Variants in ARID3A observed in about 807,000 individuals in gnomAD.
ARID3A encodes the protein AT-rich interaction domain 3A.
Under a neutral mutation model 52.7 loss-of-function variants are expected in ARID3A, and 11 were observed. The ratio of observed to expected loss-of-function variants is 0.21; its 90% CI spans 0.13 to 0.35. The LOEUF (loss-of-function observed/expected upper bound fraction) is 0.35. Among genes scored for constraint, ARID3A ranks in the 10% least tolerant of loss-of-function variants. The pLI is 1.00. For synonymous variants in ARID3A, 404 were observed against 359.4 expected, an observed-to-expected ratio of 1.12 and a Z score of -1.40; for missense variants, 721 against 838.5, an observed-to-expected ratio of 0.86 and a Z score of 1.73.
chr19:928,805 C>T (rs571492178), intron 1 of ARID3A: 50 of 152,276 alleles, frequency 3.3e-4, no homozygotes, highest in African/African-American at 1.2e-3. Flanking sequence ...GGAGGGTTAG[C>T]CCAGGGCCCG....
At chr19:957,757 T>A (rs1045895516) in intron 3 of ARID3A, among the ~76,000 whole-genome samples, 5 of 152,040 alleles carry the variant, frequency 3.3e-5, no homozygotes, top group Admixed American at 2.6e-4. Flanking sequence ...GGCAGGAGAA[T>A]CCCTTGAGCC....
chr19:932,580 C>A lies in ARID3A; in HGVS notation c.531C>A (p.Ala177=). The A allele has an allele frequency of 6.6e-7, 1 of 1,505,704 alleles. No individual in the cohort carries two copies. The allele number at this position is 1,505,704 out of a possible 1,614,324, so 93.3% of individuals were successfully genotyped here. The part of the protein sequence containing the change: ...LGTTALFPRK[A]QPPQAFRGDG... ...CCACGGCACTGTTCCCCCGAAAGGC[C>A]CAGCCACCCCAGGCCTTCCGCGGCG... The change falls in exon 3 of 9, where the codon GCC becomes GCA. Residue 177 remains alanine, a synonymous_variant. Coordinates refer to ENST00000263620, the MANE Select transcript of ARID3A (RefSeq NM_005224.3).
chr19:929,320 G>A lies in ARID3A; in HGVS notation c.-209G>A, dbSNP rs1037208031. 1.8e-6 allele frequency: 1 copy of A among 545,244 alleles called. No individual in the cohort carries two copies. Among genetic ancestry groups the A allele is most frequent in the African/African-American group, 2.0e-5 (1 of 49,054 alleles). 33.8% of individuals were successfully genotyped at this position (545,244 alleles called of 1,614,324 possible). ...GCCTCTGTCCCCTGGAGCCCAGCGT[G>A]AGGAAGAGGCATGCCCCATCAGCCT... On this transcript the variant is annotated 5_prime_UTR_variant, in exon 2 of 9. An upstream open reading frame in the 5' UTR loses its in-frame stop. Transcript: ENST00000263620. This position sits in a 1 kb window ranked among gnomAD's most constrained non-coding sequence, Gnocchi z 6.2.
At chr19:945,635 C>T (rs987036106) in intron 3 of ARID3A, among the ~76,000 whole-genome samples, 1 of 152,174 alleles carries the variant, frequency 6.6e-6, no homozygotes, top group Non-Finnish European at 1.5e-5. Context: ...CTGAGCCCAC[C>T]AGGGAGGGCC....
chr19:951,339 A>G lies in ARID3A; in HGVS notation c.694-8753A>G, dbSNP rs368325847. ...TGGGAGGCCGAGGCGGGCGGATCACAAGGTCAGGAGTTCAAGACCAGCCTG... is the reference window on the plus strand; with the variant it reads ...TGGGAGGCCGAGGCGGGCGGATCACGAGGTCAGGAGTTCAAGACCAGCCTG... On this transcript the variant is annotated intron_variant, in intron 3 of 8. Coordinates refer to ENST00000263620, the MANE Select transcript of ARID3A (RefSeq NM_005224.3). Among the ~76,000 whole-genome samples, 107 of 151,374 alleles carry G rather than the reference A, an allele frequency of 7.1e-4. 2 individuals carry two copies. The East Asian group carries it at 0.02, about 29-fold the overall frequency.
intron 3 of ARID3A, among the ~76,000 whole-genome samples, chr19:937,131 G>A (rs1172564084): frequency 6.6e-6 from 1 of 152,050 alleles, no homozygotes; most frequent in African/African-American, 2.4e-5. Context: ...AGCTGGGTGT[G>A]GTGGCGGGCA....
chr19:936,257 A>T (rs1182713409), intron 3 of ARID3A, among the ~76,000 whole-genome samples: 1 of 152,240 alleles, frequency 6.6e-6, no homozygotes, highest in Admixed American at 6.5e-5. Flanking sequence ...TCACTGTTTT[A>T]ATTGTACGAT....
rs574969581 is a variant in ARID3A at position 948,417 on chromosome 19, C to T, written c.694-11675C>T. ...AAAAACAGCGAGATTCAAAATCCCCCGGCCTCCCGGGGCCGCGGTCCTGCG... is the reference window on the plus strand; with the variant it reads ...AAAAACAGCGAGATTCAAAATCCCCTGGCCTCCCGGGGCCGCGGTCCTGCG... On this transcript the variant is annotated intron_variant, in intron 3 of 8. Coordinates refer to ENST00000263620, the MANE Select transcript of ARID3A (RefSeq NM_005224.3). Among the ~76,000 whole-genome samples, 176 of 152,264 alleles carry T rather than the reference C, an allele frequency of 1.2e-3. 1 individual carries two copies. Among genetic ancestry groups the T allele is most frequent in the Non-Finnish European group, 1.9e-3 (131 of 68,012 alleles).
intron 8 of ARID3A, among the ~76,000 whole-genome samples, chr19:969,855 ATTT>A (rs560871270): frequency 0.012 from 1,846 of 149,674 alleles, 41 homozygotes; most frequent in African/African-American, 0.043. Flanking sequence ...CACCCAGCTA[ATTT>A]TTTTTTGTAT....
chr19:942,594 A>G lies in ARID3A; in HGVS notation c.693+9852A>G, dbSNP rs1387378855. On this transcript the variant is annotated intron_variant, in intron 3 of 8. Coordinates refer to ENST00000263620, the MANE Select transcript of ARID3A (RefSeq NM_005224.3). This position sits in a 1 kb window ranked among gnomAD's most constrained non-coding sequence, Gnocchi z 8.1. ...GGATATGCAGCCTTGCCCCTTGGTC[A>G]GGGCTGGGCTGGGGGTCCGTGGGCA... Among the ~76,000 whole-genome samples, 1 of 152,174 alleles carries G rather than the reference A, an allele frequency of 6.6e-6. No homozygotes were observed. The highest frequency in any genetic ancestry group is 1.9e-4 in the East Asian group (1 of 5,186).
rs1032609480 is a variant in ARID3A at position 957,713 on chromosome 19, G to A, written c.694-2379G>A. ...TAAAAACTTAGCCGGGTGTGATGGC[G>A]AGTGCCTGTGGTCCCAGCCACTTGG... On this transcript the variant is annotated intron_variant, in intron 3 of 8. Transcript: ENST00000263620. Among the ~76,000 whole-genome samples the A allele has an allele frequency of 4.9e-4, 75 of 152,270 alleles. 1 individual carries two copies. The highest frequency in any genetic ancestry group is 1.6e-3 in the African/African-American group (66 of 41,552).
Position 975,408 on chromosome 19 carries a change from A to G in ARID3A, c.*3343A>G, listed in dbSNP as rs2038359706. 2.2e-5 allele frequency: 5 copies of G among 231,804 alleles called. No homozygotes were observed. The highest frequency in any genetic ancestry group is 4.3e-5 in the Non-Finnish European group (5 of 117,112). 14.4% of individuals were successfully genotyped at this position (231,804 alleles called of 1,614,324 possible). ...TCGTTGTTAAGGGTCACGCATCTGTACAGTTGAATTTCCTTTCTCTTATCA... is the reference window on the plus strand; with the variant it reads ...TCGTTGTTAAGGGTCACGCATCTGTGCAGTTGAATTTCCTTTCTCTTATCA... On this transcript the variant is annotated 3_prime_UTR_variant, in exon 9 of 9. Coordinates refer to ENST00000263620, the MANE Select transcript of ARID3A (RefSeq NM_005224.3).
chr19:964,154 G>T lies in ARID3A; in HGVS notation c.767-94G>T. On this transcript the variant is annotated intron_variant, in intron 4 of 8. Transcript: ENST00000263620. The surrounding 1 kb of genome is among the most constrained non-coding windows in gnomAD (Gnocchi z 5.7). ...TGTGGTTGTCACAGCCTGGGCGGGGGAGTGCTCCTGGCATGGAGAGGGCGG... is the reference window on the plus strand; with the variant it reads ...TGTGGTTGTCACAGCCTGGGCGGGGTAGTGCTCCTGGCATGGAGAGGGCGG... 2 of 1,032,180 alleles carry T rather than the reference G, an allele frequency of 1.9e-6. No individual in the cohort carries two copies. The highest frequency in any genetic ancestry group is 2.3e-5 in the Admixed American group (1 of 44,214). 63.9% of individuals were successfully genotyped at this position (1,032,180 alleles called of 1,614,324 possible).
intron 8 of ARID3A, among the ~76,000 whole-genome samples, chr19:970,466 T>A (rs906557575): frequency 6.7e-6 from 1 of 149,028 alleles, no homozygotes; most frequent in African/African-American, 2.5e-5. Flanking sequence ...ACCCCATCTC[T>A]ACAAAAGAAC....
At chr19:926,964 T>A (rs1228379301) in intron 1 of ARID3A, among the ~76,000 whole-genome samples, 1 of 151,616 alleles carries the variant, frequency 6.6e-6, no homozygotes, top group African/African-American at 2.4e-5. Context: ...TTTCTTCTCC[T>A]TCTTGAGTTT....
chr19:938,300 C>T lies in ARID3A; in HGVS notation c.693+5558C>T, dbSNP rs926950298. On this transcript the variant is annotated intron_variant, in intron 3 of 8. Transcript: ENST00000263620. This position sits in a 1 kb window ranked among gnomAD's most constrained non-coding sequence, Gnocchi z 4.0. Reference sequence around the variant, plus strand: ...GATGAGCTCAGAGGTGTAGGAATGACGGCACTAGCCGGTATCTGTTGCTTC... The same window carrying T: ...GATGAGCTCAGAGGTGTAGGAATGATGGCACTAGCCGGTATCTGTTGCTTC... 5.3e-5 allele frequency among the ~76,000 whole-genome samples: 8 copies of T among 152,172 alleles called. No homozygotes were observed. The highest frequency in any genetic ancestry group is 2.6e-4 in the Admixed American group (4 of 15,266).
rs186864094 is a variant in ARID3A at position 949,923 on chromosome 19, G to A, written c.694-10169G>A. The stretch of plus-strand genomic sequence containing the variant: ...TGACCTCAGGTGATCTGCCCACCTC[G>A]GCCTCCCAAAGTGCTGGGATGACAG... On this transcript the variant is annotated intron_variant, in intron 3 of 8. Transcript: ENST00000263620. Among the ~76,000 whole-genome samples, 119 of 152,164 alleles carry A rather than the reference G, an allele frequency of 7.8e-4. 1 individual carries two copies. In the East Asian group the frequency reaches 9.9e-3, roughly 13 times the overall value.
In ARID3A at chr19:929,543, C is replaced by G. The variant is rs3746144; in HGVS notation, c.15C>G (p.Ala5=). 6.6e-7 allele frequency: 1 copy of G among 1,519,704 alleles called. No homozygotes were observed. The highest frequency in any genetic ancestry group is 8.8e-7 in the Non-Finnish European group (1 of 1,140,206). The allele number at this position is 1,519,704 out of a possible 1,614,324, so 94.1% of individuals were successfully genotyped here. A position where few individuals can be genotyped will look rare whatever the true frequency, so the allele number is the denominator to read the frequency against. Residue 5 remains alanine, a synonymous_variant, in exon 2 of 9, where the codon GCC becomes GCG. Coordinates refer to ENST00000263620, the MANE Select transcript of ARID3A (RefSeq NM_005224.3). This position sits in a 1 kb window ranked among gnomAD's most constrained non-coding sequence, Gnocchi z 6.2. MKLQ[A]VMETLLQRQQ... is the part of the protein sequence containing the mutation. ...GCCGCAGGGCCATGAAACTACAGGC[C>G]GTGATGGAGACGCTGTTGCAGCGGC... is the stretch of plus-strand genomic sequence containing the variant.
Position 959,594 on chromosome 19 carries a change from C to T in ARID3A, c.694-498C>T, listed in dbSNP as rs150603604. Among the ~76,000 whole-genome samples the T allele has an allele frequency of 6.6e-6, 1 of 152,270 alleles. No individual in the cohort carries two copies. The highest frequency in any genetic ancestry group is 1.5e-5 in the Non-Finnish European group (1 of 68,026). ...GAGAAGTTGGTTTTGGACTTCTGGG[C>T]TCCGGGACCGCGGGAGAATAGATTT... On this transcript the variant is annotated intron_variant, in intron 3 of 8. Transcript: ENST00000263620. The surrounding 1 kb of genome is among the most constrained non-coding windows in gnomAD (Gnocchi z 5.0).
Sources: allele counts gnomAD v4.1 joint callset (sites outside exome capture counted in the v4.1 genomes callset), GRCh38; gene constraint gnomAD v4.1.1; non-coding constraint Gnocchi (gnomAD v3.1); transcripts MANE v1.5; gene names NCBI Gene and HGNC (gene_info 2026-07-23, HGNC 2026-07-21).